Variants in N4BP2 observed in about 807,000 individuals in gnomAD.
N4BP2 encodes the protein NEDD4-binding protein 2.
A neutral mutation model predicts 152.8 loss-of-function variants in N4BP2; 91 were observed. The observed-to-expected ratio is 0.60, with a 90% confidence interval of 0.50 to 0.71. N4BP2 has a LOEUF of 0.71. Among genes scored for constraint, N4BP2 ranks in the 30% least tolerant of loss-of-function variants. The pLI is 0.00. For synonymous variants in N4BP2, 646 were observed against 705.3 expected, an observed-to-expected ratio of 0.92 and a Z score of 1.33; for missense variants, 1,923 against 2,059.1, an observed-to-expected ratio of 0.93 and a Z score of 1.28.
At chr4:40,150,676 G>GA (rs10675156) in intron 16 of N4BP2, among the ~76,000 whole-genome samples, 26,276 of 146,254 alleles carry the variant, frequency 0.18, 2,998 homozygotes, top group Admixed American at 0.26. Context: ...GTCTCAGGGG[G>GA]AAAAAAAAAA....
chr4:40,136,870 G>T, intron 13 of N4BP2, 74 bp from the exon 14 acceptor site: 1 of 1,109,668 alleles, frequency 9.0e-7, no homozygotes. Flanking sequence ...GATGTTTGAA[G>T]ATTGCTTGTG....
the N4BP2 span, among the ~76,000 whole-genome samples, chr4:40,182,759 C>T: frequency 6.6e-6 from 1 of 152,098 alleles, no homozygotes; most frequent in Non-Finnish European, 1.5e-5. Flanking sequence ...TCAATGGAAC[C>T]TCTGCCTCCC....
chr4:40,142,340 T>C, intron 14 of N4BP2: 1 of 310,928 alleles, frequency 3.2e-6, no homozygotes, highest in Non-Finnish European at 6.3e-6. Context: ...GGGCTGGGGG[T>C]GACTGGGTGG....
At chr4:40,189,040 G>A in the N4BP2 span, among the ~76,000 whole-genome samples, 1 of 152,144 alleles carries the variant, frequency 6.6e-6, no homozygotes, top group African/African-American at 2.4e-5. The surrounding 1 kb of genome is among the most constrained non-coding windows in gnomAD (Gnocchi z 4.3). Flanking sequence ...CAGCTACTCA[G>A]GAGGCTGAGG....
chr4:40,103,901 C>G (rs1579032538), intron 4 of N4BP2, among the ~76,000 whole-genome samples: 1 of 152,274 alleles, frequency 6.6e-6, no homozygotes, highest in East Asian at 1.9e-4. Flanking sequence ...TAGTCCCTCT[C>G]TATCCCTGCT....
intron 2 of N4BP2, among the ~76,000 whole-genome samples, chr4:40,092,009 TATA>T (rs1458281247): frequency 8.1e-4 from 12 of 14,804 alleles, no homozygotes; most frequent in East Asian, 2.8e-3. Context: ...AAAAAAAAAT[TATA>T]TATATATATA....
intron 14 of N4BP2, among the ~76,000 whole-genome samples, chr4:40,140,994 TACACAA>T (rs1218375953): frequency 1.3e-5 from 2 of 151,446 alleles, no homozygotes; most frequent in Non-Finnish European, 2.9e-5. Flanking sequence ...TACCTCCTAC[TACACAA>T]ACACGGCAAC....
intron 16 of N4BP2, among the ~76,000 whole-genome samples, chr4:40,148,986 G>T (rs1191267831): frequency 6.6e-6 from 1 of 152,224 alleles, no homozygotes; most frequent in Non-Finnish European, 1.5e-5. Context: ...AATCAGTATT[G>T]TTAAGGATGT....
chr4:40,103,539 G>C (rs76368711), intron 4 of N4BP2, among the ~76,000 whole-genome samples: 1 of 152,132 alleles, frequency 6.6e-6, no homozygotes, highest in East Asian at 1.9e-4. Flanking sequence ...TGATCACAGA[G>C]TTAAAGAGAT....
chr4:40,127,998 T>C (rs554674815), intron 12 of N4BP2, among the ~76,000 whole-genome samples: 2 of 152,352 alleles, frequency 1.3e-5, no homozygotes, highest in South Asian at 2.1e-4. Flanking sequence ...TAGAAACTTA[T>C]GAGTTTGAAT....
Position 40,067,161 on chromosome 4 carries a change from C to T in N4BP2, c.-211-6294C>T, listed in dbSNP as rs183856772. 1.6e-4 allele frequency among the ~76,000 whole-genome samples: 24 copies of T among 150,604 alleles called. No individual in the cohort carries two copies. In the East Asian group the frequency reaches 4.7e-3, roughly 30 times the overall value. ...CAGCCTTGACCTCCCCAGACTCAAG[C>T]CATCCTCCCACCTCAGCCTTCTGAG... On this transcript the variant is annotated intron_variant, in intron 1 of 17. Transcript: ENST00000261435.
At position 40,121,062 on chromosome 4, in the gene N4BP2, CAACT is replaced by C. The variant is rs770401729; in HGVS notation, c.2952_2955del (p.Thr985PhefsTer4). 2 of 1,614,024 alleles carry C rather than the reference CAACT, an allele frequency of 1.2e-6. No homozygotes were observed. Among genetic ancestry groups the C allele is most frequent in the South Asian group, 2.2e-5 (2 of 91,074 alleles). ...CCTCTTACTTTTACCAATAGTGCACCAACTGTTTCTGGAGTAGTAGAACCACAAA... is the reference window on the plus strand; with the variant it reads ...CCTCTTACTTTTACCAATAGTGCACCGTTTCTGGAGTAGTAGAACCACAAA... On this transcript the variant is annotated frameshift_variant, in exon 9 of 18. Coordinates refer to ENST00000261435, the MANE Select transcript of N4BP2 (RefSeq NM_018177.6). LOFTEE classifies it high-confidence loss of function.
At chr4:40,174,769 TC>T in the N4BP2 span, among the ~76,000 whole-genome samples, 1 of 151,934 alleles carries the variant, frequency 6.6e-6, no homozygotes, top group South Asian at 2.1e-4. Flanking sequence ...GCCACTGCAC[TC>T]CAGTCTGGGC....
downstream of N4BP2, among the ~76,000 whole-genome samples, chr4:40,159,643 C>G (rs191959586): frequency 4.4e-3 from 669 of 152,238 alleles, 4 homozygotes; most frequent in African/African-American, 0.015. Flanking sequence ...TTGACCAGAA[C>G]CTAGTCATGT....
At chr4:40,171,137 G>A in the N4BP2 span, among the ~76,000 whole-genome samples, 1 of 152,290 alleles carries the variant, frequency 6.6e-6, no homozygotes, top group Non-Finnish European at 1.5e-5. Flanking sequence ...ATCTTGCTAG[G>A]TTGCATATTT....
chr4:40,121,131 C>T lies in N4BP2; in HGVS notation c.3020C>T (p.Pro1007Leu). The change falls in exon 9 of 18, where the codon CCT (proline) becomes CTT (leucine). Residue 1007 changes from proline to leucine, a missense_variant. Pro to Leu is a moderately conservative substitution (Grantham distance 98). Coordinates refer to ENST00000261435, the MANE Select transcript of N4BP2 (RefSeq NM_018177.6). Reference protein sequence around the residue: ...ECQEQMPKRDPGKEVGMCTQT... With the variant: ...ECQEQMPKRDLGKEVGMCTQT... ...CAAGAGCAAATGCCTAAGAGAGACC[C>T]TGGAAAAGAAGTAGGCATGTGCACC... 1.2e-6 allele frequency: 2 copies of T among 1,614,084 alleles called. No individual in the cohort carries two copies. Among genetic ancestry groups the T allele is most frequent in the Non-Finnish European group, 1.7e-6 (2 of 1,180,016 alleles).
intron 11 of N4BP2, 78 bp downstream of exon 11, chr4:40,124,283 T>G: frequency 9.7e-7 from 1 of 1,029,414 alleles, no homozygotes; most frequent in South Asian, 1.6e-5. Flanking sequence ...TCATTCTAAA[T>G]TACTTCCACA....
At chr4:40,153,684 T>C (rs1005466257) in intron 17 of N4BP2, among the ~76,000 whole-genome samples, 1 of 152,182 alleles carries the variant, frequency 6.6e-6, no homozygotes, top group African/African-American at 2.4e-5. Flanking sequence ...GCATAAGTTA[T>C]GAGCATAAAA....
At chr4:40,160,765 T>C (rs909571527), downstream of N4BP2, among the ~76,000 whole-genome samples, 2 of 152,160 alleles carry the variant, frequency 1.3e-5, no homozygotes, top group African/African-American at 4.8e-5. Flanking sequence ...CACTGCATAG[T>C]TGATAAAGGG....
Sources: allele counts gnomAD v4.1 joint callset (sites outside exome capture counted in the v4.1 genomes callset), GRCh38; gene constraint gnomAD v4.1.1; non-coding constraint Gnocchi (gnomAD v3.1); transcripts MANE v1.5; gene names NCBI Gene and HGNC (gene_info 2026-07-23, HGNC 2026-07-21).